The following LMNB2 variants were observed in gnomAD, a reference collection of about 807,000 sequenced individuals.
LMNB2 encodes the protein lamin-B2.
LMNB2 carries 17 observed loss-of-function variants against 69.3 expected under a neutral mutation model. The observed-to-expected ratio is 0.25, with a 90% CI of 0.17 to 0.37. The LOEUF is 0.37. Among genes scored for constraint, LMNB2 ranks in the 10% least tolerant of loss-of-function variants. LMNB2 has a pLI of 1.00. For missense variants in LMNB2, 789 were observed against 883.6 expected (o/e 0.89, Z 1.36); for synonymous variants, 397 against 389.3 (o/e 1.02, Z -0.23).
chr19:2,454,609 T>G (rs894144028), intron 1 of LMNB2, among the ~76,000 whole-genome samples: 8 of 152,118 alleles, frequency 5.3e-5, no homozygotes. Flanking sequence ...CAAGCAGCTC[T>G]TCTCCCAGAA....
intron 7 of LMNB2, 51 bp downstream of exon 7, chr19:2,434,244 C>A (rs748134762): frequency 3.8e-6 from 6 of 1,596,186 alleles, no homozygotes; most frequent in Non-Finnish European, 5.1e-6. Flanking sequence ...TCTCCTCCTG[C>A]CCTGCCCCTC....
At chr19:2,446,173 G>C (rs865972221) in intron 1 of LMNB2, among the ~76,000 whole-genome samples, 22 of 80,616 alleles carry the variant, frequency 2.7e-4, no homozygotes, top group Admixed American at 3.3e-4. Flanking sequence ...TTCACCCCTC[G>C]ATCACAGGGA....
At position 2,431,543 on chromosome 19, in the gene LMNB2, C is replaced by A. The variant is rs1183601329; in HGVS notation, c.1821+5G>T. 6.2e-7 allele frequency: 1 copy of A among 1,614,030 alleles called. No homozygotes were observed. Among genetic ancestry groups the A allele is most frequent in the Non-Finnish European group, 8.5e-7 (1 of 1,179,918 alleles). Reference sequence around the variant, plus strand: ...CCCAGCCGCAAGTGGGCACAGGGGTCCTACCTGTTGGTGGAAAAGATCCTC... The same window carrying A: ...CCCAGCCGCAAGTGGGCACAGGGGTACTACCTGTTGGTGGAAAAGATCCTC... On this transcript the variant is annotated splice_donor_5th_base_variant and intron_variant, in intron 11 of 11. Coordinates refer to ENST00000325327, the MANE Select transcript of LMNB2 (RefSeq NM_032737.4).
At chr19:2,455,565 C>G (rs767223472) in intron 1 of LMNB2, among the ~76,000 whole-genome samples, 1 of 152,132 alleles carries the variant, frequency 6.6e-6, no homozygotes, top group Non-Finnish European at 1.5e-5. Context: ...GCACCTCTCA[C>G]GGAAGGGTCC....
At chr19:2,444,121 C>A (rs1971927716) in intron 2 of LMNB2, among the ~76,000 whole-genome samples, 1 of 152,200 alleles carries the variant, frequency 6.6e-6, no homozygotes, top group African/African-American at 2.4e-5. Flanking sequence ...AGGAGACAGG[C>A]CAGGCTGACC....
In LMNB2 at chr19:2,430,920, G is replaced by C; in HGVS notation, c.1854C>G (p.Tyr618Ter). 1 of 1,605,162 alleles carries C rather than the reference G, an allele frequency of 6.2e-7. No individual in the cohort carries two copies. Among genetic ancestry groups the C allele is most frequent in the Non-Finnish European group, 8.5e-7 (1 of 1,171,954 alleles). ...GATGAGGAGTGTGGGTTCACATCAC[G>C]TAGCAGCCTCTTGAGGTGGTCCTCG... ...GDPRTTSRGC[Y>*]VM The change falls in exon 12 of 12, where the codon TAC becomes TAG. Residue 618 changes from tyrosine (Y) to a stop codon, truncating the protein, a stop_gained. Coordinates refer to ENST00000325327, the MANE Select transcript of LMNB2 (RefSeq NM_032737.4). LOFTEE classifies it high-confidence loss of function.
intron 1 of LMNB2, among the ~76,000 whole-genome samples, chr19:2,452,778 A>G (rs115273699): frequency 0.03 from 4,579 of 151,980 alleles, 250 homozygotes; most frequent in African/African-American, 0.1. Context: ...GCCACACACC[A>G]GGATGCTGTG....
Position 2,429,051 on chromosome 19 carries a change from G to A in LMNB2, c.*1860C>T, listed in dbSNP as rs1049917. ...TTTGTCCCTGAGCCCAGCCTGCAAG[G>A]CTGTCGGCAAATCACAGACCAACTC... On this transcript the variant is annotated 3_prime_UTR_variant, in exon 12 of 12. Coordinates refer to ENST00000325327, the MANE Select transcript of LMNB2 (RefSeq NM_032737.4). 6.6e-6 allele frequency: 1 copy of A among 152,270 alleles called. No individual in the cohort carries two copies. The highest frequency in any genetic ancestry group is 2.4e-5 in the African/African-American group (1 of 41,448). 9.4% of individuals were successfully genotyped at this position (152,270 alleles called of 1,614,324 possible).
intron 8 of LMNB2, among the ~76,000 whole-genome samples, chr19:2,433,091 C>T (rs1368016766): frequency 7.7e-6 from 1 of 129,544 alleles, no homozygotes; most frequent in Non-Finnish European, 1.7e-5. Context: ...TTCCAGTCAC[C>T]TTGTCCCCTG....
chr19:2,434,998 C>T lies in LMNB2; in HGVS notation c.855+3G>A. The stretch of plus-strand genomic sequence containing the variant: ...CCCCCGCCCACCCGCCTGCCGGCCA[C>T]ACCTTGGCCTGGTAGGTCTGCTCCA... On this transcript the variant is annotated splice_donor_region_variant and intron_variant, in intron 5 of 11. Transcript: ENST00000325327. 6.2e-7 allele frequency: 1 copy of T among 1,606,026 alleles called. No individual in the cohort carries two copies. The highest frequency in any genetic ancestry group is 2.2e-5 in the East Asian group (1 of 44,830).
intron 9 of LMNB2, 57 bp downstream of exon 9, chr19:2,432,357 CCT>C (rs1248459345): frequency 6.8e-5 from 91 of 1,344,592 alleles, no homozygotes; most frequent in Non-Finnish European, 8.7e-5. Flanking sequence ...CCTCCAGTCC[CCT>C]GACCCCACCT....
chr19:2,452,897 G>A (rs1214028106), intron 1 of LMNB2, among the ~76,000 whole-genome samples: 1 of 150,758 alleles, frequency 6.6e-6, no homozygotes, highest in African/African-American at 2.4e-5. Context: ...TGGAGGCTGC[G>A]TCATCCTCGT....
chr19:2,450,103 T>TATACAC (rs1972002982), intron 1 of LMNB2, among the ~76,000 whole-genome samples: 2 of 131,430 alleles, frequency 1.5e-5, no homozygotes, highest in African/African-American at 6.5e-5. Context: ...TACATATACA[T>TATACAC]ATACATATAT....
chr19:2,452,944 T>A (rs1172538676), intron 1 of LMNB2, among the ~76,000 whole-genome samples: 2 of 134,022 alleles, frequency 1.5e-5, no homozygotes, highest in South Asian at 5.1e-4. Context: ...TGCGTCATCC[T>A]CATGGGGGCT....
intron 2 of LMNB2, among the ~76,000 whole-genome samples, chr19:2,442,518 G>A (rs148069294): frequency 5.3e-5 from 8 of 152,194 alleles, no homozygotes; most frequent in South Asian, 2.1e-4. Context: ...GCAGTGAGCC[G>A]AGATTGCACC....
intron 1 of LMNB2, among the ~76,000 whole-genome samples, chr19:2,451,474 CGTGCTGTG>C (rs1438577967): frequency 1.3e-5 from 2 of 152,194 alleles, no homozygotes; most frequent in Admixed American, 1.3e-4. Flanking sequence ...CCTGGTCTGC[CGTGCTGTG>C]ATGATGAGGA....
chr19:2,444,072 G>C (rs1217975704), intron 2 of LMNB2, among the ~76,000 whole-genome samples: 2 of 152,188 alleles, frequency 1.3e-5, no homozygotes, highest in African/African-American at 4.8e-5. Flanking sequence ...GGTGCCGCCC[G>C]GGGTCTAGGT....
intron 1 of LMNB2, among the ~76,000 whole-genome samples, chr19:2,452,857 G>A (rs1250555658): frequency 6.6e-6 from 1 of 151,954 alleles, no homozygotes; most frequent in African/African-American, 2.4e-5. Flanking sequence ...CCTCGGCCTG[G>A]CCATTCTCAT....
chr19:2,447,596 A>G lies in LMNB2; in HGVS notation c.265-3056T>C, dbSNP rs1971970786. ...TGCTCCGGCTCTGGCGCTGAGGAAA[A>G]GGAGGACCGGAGGATGGTAGGCGGA... On this transcript the variant is annotated intron_variant, in intron 1 of 11. Coordinates refer to ENST00000325327, the MANE Select transcript of LMNB2 (RefSeq NM_032737.4). This position sits in a 1 kb window ranked among gnomAD's most constrained non-coding sequence, Gnocchi z 4.4. 6.6e-6 allele frequency among the ~76,000 whole-genome samples: 1 copy of G among 152,192 alleles called. No individual in the cohort carries two copies. Among genetic ancestry groups the G allele is most frequent in the Admixed American group, 6.5e-5 (1 of 15,286 alleles).
Sources: gnomAD v4.1 joint callset for allele counts (sites outside exome capture counted in the v4.1 genomes callset) on GRCh38, gnomAD v4.1.1 for gene constraint, Gnocchi (gnomAD v3.1) non-coding constraint, MANE v1.5 for transcripts, NCBI Gene and HGNC (gene_info 2026-07-23, HGNC 2026-07-21) for gene names.